Variants in FLI1 observed in about 807,000 individuals in gnomAD.
The protein encoded by FLI1 is Fli-1 proto-oncogene, ETS transcription factor, also known as Friend leukemia integration 1 transcription factor.
In FLI1, 13 loss-of-function variants were observed where a neutral mutation model predicts 53.1. That is an observed-to-expected ratio of 0.24 (90% CI 0.16 to 0.39). FLI1 has a LOEUF of 0.39. Ranked by LOEUF, FLI1 falls within the 10% of genes least tolerant of loss-of-function variation. The pLI, the probability that FLI1 is intolerant of heterozygous loss-of-function variation, is 1.00. For missense variants in FLI1, 424 were observed against 600.5 expected (o/e 0.71, Z 3.07); for synonymous variants, 244 against 236.7 (o/e 1.03, Z -0.28).
chr11:128,751,126 C>T lies in FLI1; in HGVS notation c.19-6989C>T, dbSNP rs766355564. Among the ~76,000 whole-genome samples, 9 of 152,256 alleles carry T rather than the reference C, an allele frequency of 5.9e-5. No individual in the cohort carries two copies. In the South Asian group the frequency reaches 1.0e-3, roughly 18 times the overall value. ...CATGGTTTTAAAGGAAGAGTGGACA[C>T]GCAGATTAGTGAAATCGGCTCTGTA... On this transcript the variant is annotated intron_variant, in intron 1 of 8. Transcript: ENST00000527786.
intron 5 of FLI1, among the ~76,000 whole-genome samples, chr11:128,801,616 C>T (rs548670185): frequency 2.5e-4 from 38 of 152,304 alleles, no homozygotes; most frequent in Middle Eastern, 3.4e-3. Context: ...CCCCTCAACA[C>T]CCCAGATGGA....
chr11:128,757,049 T>C (rs146073041), intron 1 of FLI1, among the ~76,000 whole-genome samples: 234 of 49,372 alleles, frequency 4.7e-3, no homozygotes, highest in African/African-American at 0.021. Context: ...TAATTTTTTC[T>C]TTCTTTCTTT....
upstream of FLI1, among the ~76,000 whole-genome samples, chr11:128,685,696 G>T (rs371083627): frequency 5.5e-4 from 70 of 128,076 alleles, no homozygotes; most frequent in East Asian, 0.012. Context: ...GTTCTCTTGT[G>T]GCTTGAGGAG....
chr11:128,785,206 G>T (rs1244130135), intron 5 of FLI1, among the ~76,000 whole-genome samples: 3 of 151,890 alleles, frequency 2.0e-5, no homozygotes, highest in Admixed American at 6.6e-5. Context: ...GTTTATCAAG[G>T]CTAAGGCACT....
intron 5 of FLI1, among the ~76,000 whole-genome samples, chr11:128,803,464 A>G (rs1008867489): frequency 6.6e-6 from 1 of 151,388 alleles, no homozygotes; most frequent in African/African-American, 2.4e-5. Flanking sequence ...CTCACCACCC[A>G]CCTCTGCCTT....
At chr11:128,739,038 C>CA (rs1940020194) in intron 1 of FLI1, among the ~76,000 whole-genome samples, 1 of 152,184 alleles carries the variant, frequency 6.6e-6, no homozygotes, top group African/African-American at 2.4e-5. Context: ...GAGAGAACCT[C>CA]AAAAGATCAT....
chr11:128,739,890 C>T (rs1940062798), intron 1 of FLI1, among the ~76,000 whole-genome samples: 1 of 152,070 alleles, frequency 6.6e-6, no homozygotes. Context: ...ATTAGAAGAT[C>T]GTTAAGGCAT....
intron 2 of FLI1, among the ~76,000 whole-genome samples, chr11:128,762,009 C>A (rs916006976): frequency 7.2e-5 from 11 of 152,170 alleles, no homozygotes; most frequent in African/African-American, 2.4e-4. Flanking sequence ...CTATCGCCAG[C>A]ACCCCACAAA....
chr11:128,725,169 C>T (rs912272828), intron 1 of FLI1, among the ~76,000 whole-genome samples: 3 of 152,234 alleles, frequency 2.0e-5, no homozygotes, highest in African/African-American at 7.2e-5. Flanking sequence ...ATTTTGGGCT[C>T]TTCTAGCCTC....
intron 5 of FLI1, among the ~76,000 whole-genome samples, chr11:128,799,361 G>C (rs1321497110): frequency 1.3e-5 from 2 of 152,084 alleles, no homozygotes; most frequent in Non-Finnish European, 2.9e-5. Flanking sequence ...GATAAGCATG[G>C]TAGAGGGGCA....
At chr11:128,764,707 C>G (rs1334111900) in intron 2 of FLI1, 2 of 1,551,546 alleles carry the variant, frequency 1.3e-6, no homozygotes, top group Non-Finnish European at 1.7e-6. Context: ...CTGTACCCAC[C>G]CTGAGCGGCA....
intron 1 of FLI1, among the ~76,000 whole-genome samples, chr11:128,743,732 C>CT (rs60673547): frequency 6.6e-6 from 1 of 152,160 alleles, no homozygotes; most frequent in African/African-American, 2.4e-5. Flanking sequence ...CCCAAGCCCC[C>CT]AGGAACTGTC....
intron 1 of FLI1, chr11:128,695,893 T>C (rs1938052164): frequency 6.6e-6 from 1 of 152,204 alleles, no homozygotes; most frequent in African/African-American, 2.4e-5. Context: ...CTCGCCCCAA[T>C]CAGGACAGTT....
chr11:128,812,483 C>T lies in FLI1; in HGVS notation c.*1495C>T, dbSNP rs1333645367. 1 of 224,718 alleles carries T rather than the reference C, an allele frequency of 4.5e-6. No homozygotes were observed. Among genetic ancestry groups the T allele is most frequent in the Non-Finnish European group, 8.9e-6 (1 of 112,798 alleles). The allele number at this position is 224,718 out of a possible 1,614,324, so 13.9% of individuals were successfully genotyped here. A position where few individuals can be genotyped will look rare whatever the true frequency, so the allele number is the denominator to read the frequency against. ...AAAGGGTTTTCCCTGGGGAACTTTC[C>T]TATTTACTTCTTGCACTATCAAGAA... On this transcript the variant is annotated 3_prime_UTR_variant, in exon 9 of 9. Transcript: ENST00000527786.
At chr11:128,745,012 G>A (rs1387751380) in intron 1 of FLI1, among the ~76,000 whole-genome samples, 1 of 152,180 alleles carries the variant, frequency 6.6e-6, no homozygotes, top group Non-Finnish European at 1.5e-5. Flanking sequence ...CAACAGTTTG[G>A]TGAATGAATG....
In FLI1 at chr11:128,811,216, A is replaced by G. The variant is rs1449049998; in HGVS notation, c.*228A>G. ...GAATAATTCCATGGGCCAGTATGCCAGTTTGAATTCTCAGTCTCCTAGCAT... is the reference window on the plus strand; with the variant it reads ...GAATAATTCCATGGGCCAGTATGCCGGTTTGAATTCTCAGTCTCCTAGCAT... On this transcript the variant is annotated 3_prime_UTR_variant, in exon 9 of 9. Coordinates refer to ENST00000527786, the MANE Select transcript of FLI1 (RefSeq NM_002017.5). 1.8e-6 allele frequency: 1 copy of G among 560,922 alleles called. No homozygotes were observed. The highest frequency in any genetic ancestry group is 3.1e-6 in the Non-Finnish European group (1 of 318,522). 34.7% of individuals were successfully genotyped at this position (560,922 alleles called of 1,614,324 possible).
intron 1 of FLI1, among the ~76,000 whole-genome samples, chr11:128,709,186 T>C (rs187612996): frequency 2.5e-4 from 38 of 152,358 alleles, no homozygotes; most frequent in African/African-American, 8.4e-4. Context: ...GTAGTAATAA[T>C]GCATAACGTT....
intron 7 of FLI1, 38 bp downstream of exon 7, chr11:128,807,277 T>C: frequency 1.4e-6 from 2 of 1,474,972 alleles, no homozygotes; most frequent in Non-Finnish European, 9.3e-7. Context: ...CTTTGCTTCC[T>C]GCACAGTTGT....
intron 4 of FLI1, among the ~76,000 whole-genome samples, chr11:128,777,876 T>G: frequency 6.6e-6 from 1 of 152,218 alleles, no homozygotes; most frequent in East Asian, 1.9e-4. Flanking sequence ...AAAAGCAGGT[T>G]AGGTTGAGGG....
Sources: gnomAD v4.1 joint callset for allele counts (sites outside exome capture counted in the v4.1 genomes callset) on GRCh38, gnomAD v4.1.1 for gene constraint, MANE v1.5 for transcripts, NCBI Gene and HGNC (gene_info 2026-07-23, HGNC 2026-07-21) for gene names.